The following TRMT11 variants were observed in gnomAD, a reference collection of about 807,000 sequenced individuals.
TRMT11 encodes tRNA methyltransferase 11, also known as tRNA (guanine(10)-N(2))-methyltransferase TRMT11.
A neutral mutation model predicts 62.8 loss-of-function variants in TRMT11; 53 were observed. The ratio of observed to expected loss-of-function variants is 0.84; its 90% CI spans 0.68 to 1.06. The LOEUF is 1.06. Ranked by LOEUF, TRMT11 falls within the 50% of genes least tolerant of loss-of-function variation. The pLI is 0.00. For missense variants in TRMT11, 556 were observed against 553.4 expected, an observed-to-expected ratio of 1.00 and a Z score of -0.05; for synonymous variants, 188 against 190.3, an observed-to-expected ratio of 0.99 and a Z score of 0.10.
intron 17 of TRMT11, among the ~76,000 whole-genome samples, chr6:126,072,016 G>T (rs1202771586): frequency 6.6e-6 from 1 of 152,128 alleles, no homozygotes; most frequent in East Asian, 1.9e-4. Context: ...TTCAATCTGA[G>T]CTCAGTGCTA....
chr6:126,078,695 TC>T (rs1220709373), intron 17 of TRMT11, among the ~76,000 whole-genome samples: 4 of 152,106 alleles, frequency 2.6e-5, no homozygotes, highest in Non-Finnish European at 5.9e-5. Context: ...GTATAAAACT[TC>T]CGTCAACTTG....
chr6:125,998,005 G>C (rs982034049), intron 3 of TRMT11, 48 bp from the exon 4 acceptor site: 1 of 1,291,998 alleles, frequency 7.7e-7, no homozygotes, highest in Non-Finnish European at 1.1e-6. Flanking sequence ...GTATTCCTGT[G>C]TGAACTAAGT....
At chr6:126,204,113 G>A (rs539945290), downstream of TRMT11, among the ~76,000 whole-genome samples, 35 of 152,224 alleles carry the variant, frequency 2.3e-4, no homozygotes, top group South Asian at 5.8e-3. Flanking sequence ...TAAATAAAAC[G>A]ATAGGCATTA....
chr6:126,020,742 G>A (rs948957664), intron 11 of TRMT11, among the ~76,000 whole-genome samples: 1 of 152,200 alleles, frequency 6.6e-6, no homozygotes, highest in Admixed American at 6.5e-5. Context: ...AGAGGGGAAA[G>A]TATATGCTGT....
chr6:126,156,354 G>A (rs546183602), intron 21 of TRMT11, among the ~76,000 whole-genome samples: 40 of 152,250 alleles, frequency 2.6e-4, no homozygotes, highest in African/African-American at 7.5e-4. Context: ...CACTGCCCTC[G>A]TAGAGTTTCT....
intron 8 of TRMT11, 31 bp downstream of exon 8, chr6:126,008,503 C>T (rs745933440): frequency 6.4e-7 from 1 of 1,569,792 alleles, no homozygotes; most frequent in Non-Finnish European, 8.8e-7. Context: ...GTATTATAGT[C>T]ATTGCTGTGG....
At chr6:126,258,162 C>T in the TRMT11 span, 1 of 736,374 alleles carries the variant, frequency 1.4e-6, no homozygotes, top group Non-Finnish European at 2.5e-6. Flanking sequence ...CAGGTTGAGG[C>T]ACTTTGTAGC....
chr6:126,236,215 C>T, the TRMT11 span, among the ~76,000 whole-genome samples: 2 of 152,236 alleles, frequency 1.3e-5, no homozygotes, highest in African/African-American at 4.8e-5. Flanking sequence ...AAATAAACTA[C>T]AGGTCCTTCT....
intron 17 of TRMT11, among the ~76,000 whole-genome samples, chr6:126,105,592 T>C (rs1373856442): frequency 2.6e-5 from 4 of 151,444 alleles, no homozygotes; most frequent in Admixed American, 6.6e-5. Context: ...ATCTTTAAGA[T>C]TGTTTTTTTT....
chr6:126,139,481 G>GC, intron 21 of TRMT11, among the ~76,000 whole-genome samples: 1 of 152,138 alleles, frequency 6.6e-6, no homozygotes, highest in Non-Finnish European at 1.5e-5. Context: ...CAATTCTCCT[G>GC]CCTCAGCCTC....
chr6:126,020,458 C>A (rs898882080), intron 11 of TRMT11, among the ~76,000 whole-genome samples: 1 of 152,176 alleles, frequency 6.6e-6, no homozygotes, highest in Non-Finnish European at 1.5e-5. Context: ...GCTATTGACT[C>A]CTGCTTTCTA....
intron 1 of TRMT11, among the ~76,000 whole-genome samples, chr6:126,183,749 C>T (rs372672011): frequency 8.9e-5 from 13 of 145,716 alleles, no homozygotes; most frequent in Admixed American, 2.1e-4. Flanking sequence ...ATCAGCTCAC[C>T]GTTTTTAATA....
intron 17 of TRMT11, among the ~76,000 whole-genome samples, chr6:126,105,138 A>G (rs1461671085): frequency 1.3e-5 from 2 of 152,206 alleles, no homozygotes; most frequent in Non-Finnish European, 2.9e-5. Context: ...GGACCCGTAA[A>G]TCATCCCCCT....
chr6:126,095,061 A>T (rs952832568), intron 17 of TRMT11, among the ~76,000 whole-genome samples: 2 of 152,170 alleles, frequency 1.3e-5, no homozygotes, highest in African/African-American at 4.8e-5. Context: ...AAACTCAGAG[A>T]TTATTTCTTC....
At chr6:126,139,012 A>C (rs146297806) in intron 21 of TRMT11, among the ~76,000 whole-genome samples, 3 of 152,150 alleles carry the variant, frequency 2.0e-5, no homozygotes, top group Non-Finnish European at 4.4e-5. Flanking sequence ...AACCTAGGAA[A>C]ACAATAATGC....
intron 1 of TRMT11, among the ~76,000 whole-genome samples, chr6:126,194,008 T>C (rs1436601545): frequency 1.3e-5 from 2 of 152,224 alleles, no homozygotes; most frequent in African/African-American, 2.4e-5. Context: ...TTTTTAGTTT[T>C]ATTCTTTTGT....
chr6:126,009,611 A>G (rs1451148750), intron 8 of TRMT11, among the ~76,000 whole-genome samples: 1 of 151,970 alleles, frequency 6.6e-6, no homozygotes, highest in Non-Finnish European at 1.5e-5. Context: ...GTAATTTGAT[A>G]TCTTGTACTG....
intron 1 of TRMT11, among the ~76,000 whole-genome samples, chr6:126,197,347 TG>T (rs1778678380): frequency 6.6e-6 from 1 of 152,214 alleles, no homozygotes; most frequent in African/African-American, 2.4e-5. Context: ...GTAATTTCAA[TG>T]GGATTTCAGG....
At chr6:126,272,287 T>A in the TRMT11 span, among the ~76,000 whole-genome samples, 1 of 152,188 alleles carries the variant, frequency 6.6e-6, no homozygotes, top group African/African-American at 2.4e-5. Context: ...TTGTATGTTA[T>A]TCTCTGAGTA....
Sources: gnomAD v4.1 joint callset for allele counts (sites outside exome capture counted in the v4.1 genomes callset) on GRCh38, gnomAD v4.1.1 for gene constraint, MANE v1.5 for transcripts, NCBI Gene and HGNC (gene_info 2026-07-23, HGNC 2026-07-21) for gene names.